The following TNFRSF13B variants were observed in gnomAD, a reference collection of about 807,000 sequenced individuals.
TNFRSF13B encodes the protein tumor necrosis factor receptor superfamily member 13B.
TNFRSF13B carries 34 observed loss-of-function variants against 24.0 expected under a neutral mutation model. The ratio of observed to expected loss-of-function variants is 1.41; its 90% CI spans 1.08 to 1.88. The LOEUF (loss-of-function observed/expected upper bound fraction) is 1.88. TNFRSF13B is among the 40% of genes most tolerant of loss of function. The pLI is 0.00. For missense variants in TNFRSF13B, 415 were observed against 380.8 expected, an observed-to-expected ratio of 1.09 and a Z score of -0.75; for synonymous variants, 173 against 150.3, an observed-to-expected ratio of 1.15 and a Z score of -1.10.
At chr17:16,942,385 A>G (rs953126098) in intron 3 of TNFRSF13B, among the ~76,000 whole-genome samples, 14 of 152,328 alleles carry the variant, frequency 9.2e-5, no homozygotes, top group African/African-American at 3.1e-4. Context: ...AATCTCATAA[A>G]GTGACAGAGC....
chr17:16,964,745 C>T (rs776976182), intron 1 of TNFRSF13B, among the ~76,000 whole-genome samples: 1 of 152,176 alleles, frequency 6.6e-6, no homozygotes, highest in Non-Finnish European at 1.5e-5. Flanking sequence ...GCCACTTCTA[C>T]CCATCATAAT....
intron 1 of TNFRSF13B, 109 bp from the exon 2 acceptor site, chr17:16,952,692 TTCTG>T: frequency 4.6e-6 from 7 of 1,526,696 alleles, no homozygotes; most frequent in Non-Finnish European, 6.3e-6. Flanking sequence ...CAGACAACCT[TTCTG>T]TCTGAGGAGC....
intron 1 of TNFRSF13B, among the ~76,000 whole-genome samples, chr17:16,965,010 C>T (rs2087689862): frequency 6.6e-6 from 1 of 152,026 alleles, no homozygotes. Flanking sequence ...GGTATAATAA[C>T]TACCAGTAGT....
At chr17:16,940,686 T>A in intron 3 of TNFRSF13B, 175 bp from the exon 4 acceptor site, 1 of 1,470,466 alleles carries the variant, frequency 6.8e-7, no homozygotes, top group South Asian at 1.4e-5. Context: ...TGGAGGAAGT[T>A]GATCCACTCC....
chr17:16,971,888 G>T, intron 1 of TNFRSF13B, 127 bp downstream of exon 1: 1 of 922,710 alleles, frequency 1.1e-6, no homozygotes, highest in Non-Finnish European at 1.8e-6. Context: ...GGGAGGCTGG[G>T]ACTGCCCCAG....
In TNFRSF13B at chr17:16,948,520, C is replaced by T. The variant is rs3818716; in HGVS notation, c.445+218G>A. Among the ~76,000 whole-genome samples, 53,449 of 151,978 alleles carry T rather than the reference C, an allele frequency of 0.35. 9,940 individuals carry two copies. Among genetic ancestry groups the T allele is most frequent in the East Asian group, 0.65 (3,386 of 5,182 alleles). ...CTCTAGTGCAAGGCTCTTCCTCACA[C>T]GGCAGGTCCTTTCTCCTGCTTTCTT... On this transcript the variant is annotated intron_variant, in intron 3 of 4. Coordinates refer to ENST00000261652, the MANE Select transcript of TNFRSF13B (RefSeq NM_012452.3).
Position 16,972,006 on chromosome 17 carries a change from G to T in TNFRSF13B, c.61+9C>A. ...ACCTGCCCTCCTGCCCTCCTGCCCG[G>T]CTACTCACAGCGCTCCTCCTGGTCC... On this transcript the variant is annotated intron_variant, in intron 1 of 4. Transcript: ENST00000261652. 6.2e-7 allele frequency: 1 copy of T among 1,613,934 alleles called. No individual in the cohort carries two copies.
intron 3 of TNFRSF13B, among the ~76,000 whole-genome samples, chr17:16,941,635 CAAATTTGCTGTATT>C (rs1377214259): frequency 6.6e-6 from 1 of 152,184 alleles, no homozygotes; most frequent in Non-Finnish European, 1.5e-5. Context: ...TGTATACCAT[CAAATTTGCTGTATT>C]AAAGTGTACA....
At position 16,968,632 on chromosome 17, in the gene TNFRSF13B, T is replaced by A. The variant is rs144299644; in HGVS notation, c.61+3383A>T. ...TCATAGAAGAAAACATAGAAGTAAA[T>A]CTTCATGATTTGAGGCTAGGCAGTG... On this transcript the variant is annotated intron_variant, in intron 1 of 4. Transcript: ENST00000261652. Among the ~76,000 whole-genome samples the A allele has an allele frequency of 2.4e-3, 370 of 152,262 alleles. 2 individuals are homozygous for A. Among genetic ancestry groups the A allele is most frequent in the African/African-American group, 8.7e-3 (362 of 41,534 alleles).
intron 1 of TNFRSF13B, among the ~76,000 whole-genome samples, chr17:16,959,346 A>T (rs1259451978): frequency 1.3e-5 from 2 of 152,180 alleles, no homozygotes; most frequent in Admixed American, 1.3e-4. Context: ...AGGGAAATTC[A>T]TGTAAATACA....
chr17:16,956,021 C>G (rs1347369883), intron 1 of TNFRSF13B, among the ~76,000 whole-genome samples: 2 of 151,966 alleles, frequency 1.3e-5, no homozygotes, highest in Non-Finnish European at 2.9e-5. Flanking sequence ...TTTCAACCCT[C>G]AAGGGCTGAA....
rs886052653 is a variant in TNFRSF13B, at chr17:16,948,982, C to G, written c.201G>C (p.Arg67Ser). Residue 67 changes from arginine (R) to serine (S), a missense_variant and splice_region_variant, in exon 3 of 5, where the codon AGG (arginine) becomes AGC (serine). Arg to Ser is a moderately radical substitution (Grantham distance 110). Coordinates refer to ENST00000261652, the MANE Select transcript of TNFRSF13B (RefSeq NM_012452.3). ...CTTGCTCCTTGCGGCAGCTGAGTGACCCTGGGAGAGAGAAATTCATGATAC... is the reference window on the plus strand; with the variant it reads ...CTTGCTCCTTGCGGCAGCTGAGTGAGCCTGGGAGAGAGAAATTCATGATAC... ...QSQRTCAAFC[R>S]SLSCRKEQGK... 4.3e-6 allele frequency: 7 copies of G among 1,613,946 alleles called. No individual in the cohort carries two copies. The Middle Eastern group carries it at 1.2e-3, about 266-fold the overall frequency.
Position 16,939,341 on chromosome 17 carries a change from T to TTCTCTGCCTCTTTCCC in TNFRSF13B, c.*190_*205dup, listed in dbSNP as rs1400796870. 4 of 582,302 alleles carry TTCTCTGCCTCTTTCCC rather than the reference T, an allele frequency of 6.9e-6. No homozygotes were observed. Among genetic ancestry groups the TTCTCTGCCTCTTTCCC allele is most frequent in the African/African-American group, 3.9e-5 (2 of 50,890 alleles). The allele number at this position is 582,302 out of a possible 1,614,324, so 36.1% of individuals were successfully genotyped here. On this transcript the variant is annotated 3_prime_UTR_variant, in exon 5 of 5. Transcript: ENST00000261652. ...TCTCCTTCTCTGCCTGTCTCTTTCC[T>TTCTCTGCCTCTTTCCC]TCTCTGCCTCTTTCCCTCTCTGCCT...
intron 1 of TNFRSF13B, among the ~76,000 whole-genome samples, 192 bp from the exon 2 acceptor site, chr17:16,952,775 C>T (rs951811675): frequency 6.6e-5 from 10 of 152,206 alleles, no homozygotes; most frequent in Admixed American, 1.3e-4. Context: ...AGCCACCTCC[C>T]CTCTCCAGCC....
chr17:16,961,200 G>A (rs2087660099), intron 1 of TNFRSF13B, among the ~76,000 whole-genome samples: 1 of 152,160 alleles, frequency 6.6e-6, no homozygotes, highest in South Asian at 2.1e-4. Context: ...TCCTCAAAAA[G>A]ACAAACATAA....
intron 3 of TNFRSF13B, among the ~76,000 whole-genome samples, chr17:16,944,910 T>C (rs573286817): frequency 4.6e-5 from 7 of 152,266 alleles, no homozygotes; most frequent in African/African-American, 1.4e-4. Context: ...CTTGGTCACA[T>C]GGTGTCCTCT....
chr17:16,941,445 T>G (rs1051647747), intron 3 of TNFRSF13B: 20 of 987,498 alleles, frequency 2.0e-5, no homozygotes, highest in Non-Finnish European at 2.4e-5. Context: ...CAAAAGCTCT[T>G]CCTTGTCCCT....
intron 3 of TNFRSF13B, chr17:16,941,378 T>G: frequency 1.0e-6 from 1 of 987,682 alleles, no homozygotes; most frequent in Non-Finnish European, 1.2e-6. Flanking sequence ...CAGGTTTGGA[T>G]GCCAGAGACA....
chr17:16,968,907 C>CT (rs1567657543), intron 1 of TNFRSF13B, among the ~76,000 whole-genome samples: 1 of 151,952 alleles, frequency 6.6e-6, no homozygotes, highest in East Asian at 1.9e-4. Context: ...GCATTTTCCC[C>CT]AAAAAAACCA....
Sources: gnomAD v4.1 joint callset for allele counts (sites outside exome capture counted in the v4.1 genomes callset) on GRCh38, gnomAD v4.1.1 for gene constraint, MANE v1.5 for transcripts, NCBI Gene and HGNC (gene_info 2026-07-23, HGNC 2026-07-21) for gene names.